Variants in ABCC4 observed in about 807,000 individuals in gnomAD.
ABCC4 encodes the protein ATP binding cassette subfamily C member 4 (PEL blood group), also known as ATP-binding cassette sub-family C member 4.
ABCC4 carries 102 observed loss-of-function variants against 168.5 expected under a neutral mutation model. The observed-to-expected ratio is 0.61, with a 90% CI of 0.52 to 0.71. The LOEUF is 0.71. Among genes scored for constraint, ABCC4 ranks in the 30% least tolerant of loss-of-function variants. The pLI, the probability that ABCC4 is intolerant of heterozygous loss-of-function variation, is 0.00. For synonymous variants in ABCC4, 617 were observed against 590.7 expected (o/e 1.04, Z -0.65); for missense variants, 1,402 against 1,605.8 (o/e 0.87, Z 2.17).
At position 95,139,678 on chromosome 13, in the gene ABCC4, C is replaced by T. The variant is rs562743282; in HGVS notation, c.2455+21511G>A. On this transcript the variant is annotated intron_variant, in intron 19 of 30. Coordinates refer to ENST00000645237, the MANE Select transcript of ABCC4 (RefSeq NM_005845.5). ...TCATAAGATGAGAATTCATCTTGTT[C>T]TTTGTTCTATGTTCCTTCTTTGCAG... Among the ~76,000 whole-genome samples the T allele has an allele frequency of 2.9e-4, 44 of 152,330 alleles. No individual in the cohort carries two copies. In the South Asian group the frequency reaches 8.3e-3, roughly 29 times the overall value.
intron 1 of ABCC4, among the ~76,000 whole-genome samples, chr13:95,258,241 G>A (rs1334734240): frequency 1.3e-5 from 2 of 152,116 alleles, no homozygotes; most frequent in Non-Finnish European, 2.9e-5. Flanking sequence ...ATGCCATGCT[G>A]CTCTCCTGCA....
intron 22 of ABCC4, 77 bp from the exon 23 acceptor site, chr13:95,074,401 GAA>G: frequency 1.6e-6 from 2 of 1,233,008 alleles, no homozygotes; most frequent in Non-Finnish European, 2.3e-6. Context: ...TTGAGCTACA[GAA>G]GATTTTTACG....
intron 11 of ABCC4, among the ~76,000 whole-genome samples, chr13:95,185,950 T>C (rs912719573): frequency 6.6e-6 from 1 of 151,994 alleles, no homozygotes; most frequent in African/African-American, 2.4e-5. Flanking sequence ...AAACCACCCG[T>C]ACCCCAAAAT....
At chr13:95,283,086 C>T (rs977132691) in intron 1 of ABCC4, among the ~76,000 whole-genome samples, 7 of 151,548 alleles carry the variant, frequency 4.6e-5, no homozygotes, top group African/African-American at 7.2e-5. Flanking sequence ...CGCGGTGGCA[C>T]GCACCTGTAG....
At chr13:95,154,219 T>A (rs553004935) in intron 19 of ABCC4, among the ~76,000 whole-genome samples, 1 of 152,328 alleles carries the variant, frequency 6.6e-6, no homozygotes, top group East Asian at 1.9e-4. Context: ...CAACAAAGCT[T>A]TTCTGGTGAT....
intron 19 of ABCC4, among the ~76,000 whole-genome samples, chr13:95,133,762 A>G (rs190296689): frequency 1.3e-5 from 2 of 152,304 alleles, no homozygotes; most frequent in East Asian, 1.9e-4. Flanking sequence ...GGTGGCAGAG[A>G]AGGGTGCTGA....
At position 95,186,715 on chromosome 13, in the gene ABCC4, A is replaced by C; in HGVS notation, c.1531T>G (p.Cys511Gly). 1 of 1,613,812 alleles carries C rather than the reference A, an allele frequency of 6.2e-7. No individual in the cohort carries two copies. Among genetic ancestry groups the C allele is most frequent in the Middle Eastern group, 1.7e-4 (1 of 6,046 alleles). ...KERYEKVIKA[C>G]ALKKDLQLLE... ...TCATCACTCACCTTTTTCAGAGCACAAGCCTTTATGACTTTTTCATATCGT... is the reference window on the plus strand; with the variant it reads ...TCATCACTCACCTTTTTCAGAGCACCAGCCTTTATGACTTTTTCATATCGT... The change falls in exon 11 of 31, where the codon TGT (cysteine) becomes GGT (glycine). Residue 511 changes from cysteine (C) to glycine (G), a missense_variant. Around this residue, in one of 3 missense-constraint regions of ABCC4, gnomAD observed 1,007 missense variants for 1,127.3 expected, o/e 0.89. Coordinates refer to ENST00000645237, the MANE Select transcript of ABCC4 (RefSeq NM_005845.5).
intron 19 of ABCC4, among the ~76,000 whole-genome samples, chr13:95,136,445 G>A (rs537852756): frequency 3.3e-5 from 5 of 152,264 alleles, no homozygotes; most frequent in South Asian, 2.1e-4. Context: ...GTGAGCCACC[G>A]TACCCGGCCA....
rs1159726645 is a variant in ABCC4 at position 95,206,543 on chromosome 13, G to A, written c.1150C>T (p.Arg384Ter). ...ERVSEAIVSI[R>*]RIQTFLLLDE... ...CATCTGACACCAACCTGGATTCTTC[G>A]GATGCTGACGATTGCCTCTGACACC... Residue 384 changes from arginine to a stop codon, truncating the protein, a stop_gained, in exon 8 of 31, where the codon CGA becomes TGA. Transcript: ENST00000645237. LOFTEE classifies it high-confidence loss of function. The A allele has an allele frequency of 9.9e-6, 16 of 1,613,428 alleles. No individual in the cohort carries two copies. Among genetic ancestry groups the A allele is most frequent in the South Asian group, 2.2e-5 (2 of 91,054 alleles).
chr13:95,221,911 C>A (rs1339934168), intron 4 of ABCC4, among the ~76,000 whole-genome samples: 1 of 152,208 alleles, frequency 6.6e-6, no homozygotes, highest in Non-Finnish European at 1.5e-5. Flanking sequence ...GCCTCCCTCT[C>A]CACACCTGTT....
At chr13:95,050,196 A>G (rs2032769129) in intron 27 of ABCC4, among the ~76,000 whole-genome samples, 1 of 152,194 alleles carries the variant, frequency 6.6e-6, no homozygotes, top group Admixed American at 6.5e-5. Context: ...CACGTTTACA[A>G]TCACCAGGAA....
intron 13 of ABCC4, among the ~76,000 whole-genome samples, chr13:95,172,246 T>C (rs776340704): frequency 1.4e-4 from 22 of 152,192 alleles, no homozygotes; most frequent in Non-Finnish European, 2.2e-4. Flanking sequence ...TAATAAGTGA[T>C]TGATGTAGCA....
intron 1 of ABCC4, among the ~76,000 whole-genome samples, chr13:95,260,923 C>T (rs35409516): frequency 0.015 from 2,318 of 151,528 alleles, 27 homozygotes; most frequent in Middle Eastern, 0.024. Context: ...TATCCCCAGT[C>T]TGCACAATTC....
At chr13:95,133,782 A>G (rs2036054074) in intron 19 of ABCC4, among the ~76,000 whole-genome samples, 1 of 152,234 alleles carries the variant, frequency 6.6e-6, no homozygotes, top group African/African-American at 2.4e-5. Flanking sequence ...AAGGGACACA[A>G]GAGCCACCTT....
At chr13:95,177,559 T>C (rs571041403) in intron 13 of ABCC4, 148 bp downstream of exon 13, 80 of 592,528 alleles carry the variant, frequency 1.4e-4, no homozygotes, top group Non-Finnish European at 2.2e-4. Context: ...AAAATTTCTC[T>C]AAAATGGATC....
chr13:95,112,789 T>C (rs2035248526), intron 20 of ABCC4, among the ~76,000 whole-genome samples: 1 of 152,154 alleles, frequency 6.6e-6, no homozygotes, highest in African/African-American at 2.4e-5. Context: ...TCACTGTGAT[T>C]ATTACCTATT....
intron 4 of ABCC4, among the ~76,000 whole-genome samples, chr13:95,223,558 G>C (rs1485302399): frequency 6.6e-6 from 1 of 152,212 alleles, no homozygotes; most frequent in African/African-American, 2.4e-5. Context: ...CTGGAGTACA[G>C]TGGTGTGATC....
intron 4 of ABCC4, among the ~76,000 whole-genome samples, chr13:95,228,675 A>T (rs1165894223): frequency 6.6e-6 from 1 of 152,016 alleles, no homozygotes; most frequent in Non-Finnish European, 1.5e-5. Context: ...GAGGCATGGG[A>T]ATCACTTGAA....
intron 4 of ABCC4, among the ~76,000 whole-genome samples, chr13:95,221,722 A>G (rs914749210): frequency 3.3e-5 from 5 of 152,144 alleles, no homozygotes; most frequent in Non-Finnish European, 7.4e-5. Context: ...AAAATTTGCT[A>G]TAACAGGATG....
Sources: gnomAD v4.1 joint callset for allele counts (sites outside exome capture counted in the v4.1 genomes callset) on GRCh38, gnomAD v4.1.1 for gene constraint, gnomAD v4.1.1 regional missense constraint, MANE v1.5 for transcripts, NCBI Gene and HGNC (gene_info 2026-07-23, HGNC 2026-07-21) for gene names.